Variants in NAALAD2 observed in about 807,000 individuals in gnomAD.
NAALAD2 encodes N-acetylated-alpha-linked acidic dipeptidase 2.
Under a neutral mutation model 95.6 loss-of-function variants are expected in NAALAD2, and 89 were observed. The observed-to-expected ratio is 0.93, with a 90% CI of 0.78 to 1.11. NAALAD2 has a LOEUF of 1.11. Ranked by LOEUF, NAALAD2 falls within the 50% of genes least tolerant of loss-of-function variation. The pLI is 0.00. For missense variants in NAALAD2, 894 were observed against 872.4 expected, an observed-to-expected ratio of 1.02 and a Z score of -0.31; for synonymous variants, 264 against 294.4, an observed-to-expected ratio of 0.90 and a Z score of 1.06.
Position 90,136,010 on chromosome 11 carries a change from A to G in NAALAD2, c.194+340A>G, listed in dbSNP as rs546846502. Among the ~76,000 whole-genome samples the G allele has an allele frequency of 2.0e-5, 3 of 152,308 alleles. No homozygotes were observed. The South Asian group carries it at 6.2e-4, about 32-fold the overall frequency. On this transcript the variant is annotated intron_variant, in intron 2 of 18. Transcript: ENST00000534061. Reference sequence around the variant, plus strand: ...TTAGATACCATATTCTGTCAGGGAAAGTTAGATGATGGTTGACTAAGTGAT... The same window carrying G: ...TTAGATACCATATTCTGTCAGGGAAGGTTAGATGATGGTTGACTAAGTGAT...
intron 13 of NAALAD2, among the ~76,000 whole-genome samples, chr11:90,172,018 GCTGAT>G (rs1952655743): frequency 6.6e-6 from 1 of 151,804 alleles, no homozygotes; most frequent in South Asian, 2.1e-4. Context: ...AAGAAAGAAA[GCTGAT>G]CTGGATTTTC....
Position 90,189,309 on chromosome 11 carries a change from T to G in NAALAD2, c.2034-2249T>G, listed in dbSNP as rs111510516. On this transcript the variant is annotated intron_variant, in intron 18 of 18. Transcript: ENST00000534061. Reference sequence around the variant, plus strand: ...CAGACCAACTGTAAGATAATAAATTTTTTTAAGCCACTAAGTTGGTGGTAA... The same window carrying G: ...CAGACCAACTGTAAGATAATAAATTGTTTTAAGCCACTAAGTTGGTGGTAA... Among the ~76,000 whole-genome samples the G allele has an allele frequency of 9.5e-3, 1,450 of 152,304 alleles. 18 individuals are homozygous for G. Among genetic ancestry groups the G allele is most frequent in the Non-Finnish European group, 0.011 (729 of 68,020 alleles).
rs766302193 is a variant in NAALAD2 at position 90,152,410 on chromosome 11, C to A, written c.722C>A (p.Thr241Asn). 6.2e-7 allele frequency: 1 copy of A among 1,613,946 alleles called. No individual in the cohort carries two copies. Among genetic ancestry groups the A allele is most frequent in the East Asian group, 2.2e-5 (1 of 44,872 alleles). Residue 241 changes from threonine (T) to asparagine (N), a missense_variant, in exon 6 of 19, where the codon ACT (threonine) becomes AAT (asparagine). Physicochemically the swap from Thr to Asn is moderately conservative, Grantham distance 65. Transcript: ENST00000534061. ...PYPKGWNLPG[T>N]AAQRGNVLNL... The stretch of plus-strand genomic sequence containing the variant: ...CCCAAAGGATGGAATCTTCCTGGAA[C>A]TGCAGCCCAGAGAGGAAATGTGTTA...
At position 90,159,256 on chromosome 11, in the gene NAALAD2, C is replaced by T; in HGVS notation, c.908C>T (p.Ala303Val). Residue 303 changes from alanine (A) to valine (V), a missense_variant, in exon 8 of 19, where the codon GCT (alanine) becomes GTT (valine). By Grantham distance (64) the Ala-to-Val change is moderately conservative. Coordinates refer to ENST00000534061, the MANE Select transcript of NAALAD2 (RefSeq NM_005467.4). ...EILLRYLGGIAPPDKSWKGAL... is the reference protein window; with the variant it reads ...EILLRYLGGIVPPDKSWKGAL... ...TTTGTCAGCTACTTGGGAGGAATTG[C>T]TCCACCAGATAAGAGTTGGAAGGGA... is the stretch of plus-strand genomic sequence containing the variant. The T allele has an allele frequency of 1.2e-6, 2 of 1,613,218 alleles. No homozygotes were observed. The highest frequency in any genetic ancestry group is 1.7e-6 in the Non-Finnish European group (2 of 1,179,348).
chr11:90,150,024 G>T (rs1216525782), intron 4 of NAALAD2, among the ~76,000 whole-genome samples: 2 of 152,092 alleles, frequency 1.3e-5, no homozygotes, highest in African/African-American at 4.8e-5. Flanking sequence ...GGTTGAGGCG[G>T]GCAGATCTTT....
intron 1 of NAALAD2, 111 bp downstream of exon 1, chr11:90,134,951 G>C (rs1349199590): frequency 1.7e-6 from 2 of 1,205,070 alleles, no homozygotes; most frequent in Non-Finnish European, 2.4e-6. Flanking sequence ...GCCCTGGCCG[G>C]CTGGGCTAGA....
Position 90,162,965 on chromosome 11 carries a change from G to A in NAALAD2, c.1006G>A (p.Val336Ile). The A allele has an allele frequency of 6.5e-7, 1 of 1,549,664 alleles. No individual in the cohort carries two copies. ...AAATTCTAGGAAGGTTAGAATGCAT[G>A]TTTATAACATCAATAAAATTACAAG... is the stretch of plus-strand genomic sequence containing the variant. ...SDSFRKVRMH[V>I]YNINKITRIY... The change falls in exon 9 of 19, where the codon GTT becomes ATT. Residue 336 changes from valine to isoleucine, a missense_variant. Transcript: ENST00000534061.
rs752043167 is a variant in NAALAD2, at chr11:90,178,049, A to C, written c.1790A>C (p.Tyr597Ser). 1.1e-5 allele frequency: 17 copies of C among 1,613,730 alleles called. No individual in the cohort carries two copies. In the Admixed American group the frequency reaches 2.7e-4, roughly 25 times the overall value. Residue 597 changes from tyrosine (Y) to serine (S), a missense_variant, in exon 16 of 19, where the codon TAT becomes TCT. By Grantham distance (144) the Tyr-to-Ser change is moderately radical (BLOSUM62 -2). Coordinates refer to ENST00000534061, the MANE Select transcript of NAALAD2 (RefSeq NM_005467.4). ...IQDYAEALKN[Y>S]AASIYNLSKK... is the part of the protein sequence containing the mutation. ...GACTATGCAGAAGCTTTGAAAAACT[A>C]TGCAGCAAGTATCTATAATCTATCT...
upstream of NAALAD2, among the ~76,000 whole-genome samples, chr11:90,133,968 G>A (rs960950776): frequency 2.0e-5 from 3 of 152,124 alleles, no homozygotes; most frequent in African/African-American, 7.2e-5. Context: ...GAGGGGTATG[G>A]TCAGAGAGAC....
intron 2 of NAALAD2, among the ~76,000 whole-genome samples, chr11:90,145,654 T>A (rs567494824): frequency 6.6e-6 from 1 of 152,158 alleles, no homozygotes; most frequent in Admixed American, 6.6e-5. Context: ...GAGAAGATGA[T>A]GCTTGAAGAG....
rs1323943991 is a variant in NAALAD2 at position 90,163,040 on chromosome 11, T to C, written c.1075+6T>C. 1 of 1,527,480 alleles carries C rather than the reference T, an allele frequency of 6.5e-7. No individual in the cohort carries two copies. The allele number at this position is 1,527,480 out of a possible 1,614,324, so 94.6% of individuals were successfully genotyped here. On this transcript the variant is annotated splice_donor_region_variant and intron_variant, in intron 9 of 18. Transcript: ENST00000534061. Reference sequence around the variant, plus strand: ...CAGAGGATCTGTGGAACCTGGTGAGTCACATAATTTTTTAAAACATTTTGT... The same window carrying C: ...CAGAGGATCTGTGGAACCTGGTGAGCCACATAATTTTTTAAAACATTTTGT...
chr11:90,183,070 C>CATTAG, intron 18 of NAALAD2, 62 bp downstream of exon 18: 9 of 1,251,300 alleles, frequency 7.2e-6, no homozygotes, highest in Non-Finnish European at 1.1e-5. Flanking sequence ...CTAAAGTTGG[C>CATTAG]TTTAAACTAA....
At chr11:90,171,387 C>T (rs756364122) in intron 13 of NAALAD2, among the ~76,000 whole-genome samples, 1 of 152,176 alleles carries the variant, frequency 6.6e-6, no homozygotes, top group Admixed American at 6.5e-5. Context: ...AATGCTCTCA[C>T]CATCTTGGGT....
chr11:90,163,146 TA>T, intron 9 of NAALAD2, 112 bp downstream of exon 9: 1 of 1,212,496 alleles, frequency 8.2e-7, no homozygotes, highest in East Asian at 2.4e-5. Context: ...TTGAAACTAC[TA>T]AATTTTGAGG....
Position 90,191,637 on chromosome 11 carries a change from A to G in NAALAD2, c.2113A>G (p.Ile705Val). 1 of 1,607,956 alleles carries G rather than the reference A, an allele frequency of 6.2e-7. No individual in the cohort carries two copies. The highest frequency in any genetic ancestry group is 8.5e-7 in the Non-Finnish European group (1 of 1,177,174). Residue 705 changes from isoleucine (I) to valine (V), a missense_variant, in exon 19 of 19, where the codon ATT becomes GTT. Coordinates refer to ENST00000534061, the MANE Select transcript of NAALAD2 (RefSeq NM_005467.4). ...TGGAATCTATGATGCTATCTTTGAT[A>G]TTGAAAATAAAGCCAACTCTCGTTT... Reference protein sequence around the residue: ...FPGIYDAIFDIENKANSRLAW... With the variant: ...FPGIYDAIFDVENKANSRLAW...
chr11:90,138,169 G>T (rs1389002077), intron 2 of NAALAD2, among the ~76,000 whole-genome samples: 2 of 152,018 alleles, frequency 1.3e-5, no homozygotes, highest in Non-Finnish European at 2.9e-5. Flanking sequence ...CTAGAGAAAA[G>T]AAAATGATTT....
chr11:90,170,917 C>G (rs1014316797), intron 13 of NAALAD2, among the ~76,000 whole-genome samples: 2 of 152,106 alleles, frequency 1.3e-5, no homozygotes, highest in Admixed American at 1.3e-4. Context: ...GAGGCATAAC[C>G]AATGGGCCAA....
At chr11:90,185,780 A>G (rs1857119898) in intron 18 of NAALAD2, among the ~76,000 whole-genome samples, 1 of 151,654 alleles carries the variant, frequency 6.6e-6, no homozygotes, top group Non-Finnish European at 1.5e-5. Context: ...CATTGTATGG[A>G]TGTCCTTGAG....
At position 90,182,959 on chromosome 11, in the gene NAALAD2, G is replaced by A; in HGVS notation, c.1984G>A (p.Glu662Lys). 2 of 1,612,542 alleles carry A rather than the reference G, an allele frequency of 1.2e-6. No homozygotes were observed. Among genetic ancestry groups the A allele is most frequent in the African/African-American group, 1.3e-5 (1 of 74,980 alleles). Residue 662 changes from glutamate to lysine, a missense_variant, in exon 18 of 19, where the codon GAA becomes AAA. By Grantham distance (56) the Glu-to-Lys change is moderately conservative. Transcript: ENST00000534061. ...RMMNDQLMLL[E>K]RAFIDPLGLP... ...GATGAATGACCAACTGATGCTCCTGGAAAGAGCATTCATCGATCCTCTTGG... is the reference window on the plus strand; with the variant it reads ...GATGAATGACCAACTGATGCTCCTGAAAAGAGCATTCATCGATCCTCTTGG...
Sources: gnomAD v4.1 joint callset for allele counts (sites outside exome capture counted in the v4.1 genomes callset) on GRCh38, gnomAD v4.1.1 for gene constraint, MANE v1.5 for transcripts, NCBI Gene and HGNC (gene_info 2026-07-23, HGNC 2026-07-21) for gene names.